METTL13: variants seen among roughly 807,000 people sequenced by gnomAD.
METTL13 encodes the protein methyltransferase 13, eEF1A N-terminus and K55, also known as eEF1A lysine and N-terminal methyltransferase.
In METTL13, 52 loss-of-function variants were observed where a neutral mutation model predicts 67.4. The ratio of observed to expected loss-of-function variants is 0.77; its 90% CI spans 0.62 to 0.97. METTL13 has a LOEUF of 0.97. Ranked by LOEUF, METTL13 falls within the 50% of genes least tolerant of loss-of-function variation. METTL13 has a pLI of 0.00. For synonymous variants in METTL13, 354 were observed against 353.6 expected (o/e 1.00, Z -0.01); for missense variants, 825 against 889.6 (o/e 0.93, Z 0.92).
At chr1:171,784,810 A>G (rs1040047027) in intron 2 of METTL13, among the ~76,000 whole-genome samples, 4 of 152,202 alleles carry the variant, frequency 2.6e-5, no homozygotes, top group Admixed American at 2.0e-4. Context: ...GAGGTCACAT[A>G]TGATATAGAG....
intron 4 of METTL13, among the ~76,000 whole-genome samples, chr1:171,789,849 A>AGGGG (rs369251334): frequency 8.3e-5 from 9 of 108,664 alleles, no homozygotes; most frequent in African/African-American, 1.4e-4. Context: ...GGGGCGGGGT[A>AGGGG]GGGGGGGCAC....
In METTL13 at chr1:171,787,819, A is replaced by G. The variant is rs770547118; in HGVS notation, c.1198A>G (p.Ile400Val). Residue 400 changes from isoleucine to valine, a missense_variant, in exon 4 of 8, where the codon ATT becomes GTT. Coordinates refer to ENST00000361735, the MANE Select transcript of METTL13 (RefSeq NM_015935.5). The part of the protein sequence containing the change: ...DCSPLSGDYV[I>V]EDVQGDDKRY... Reference sequence around the variant, plus strand: ...CAGCCCCTTGAGCGGTGACTATGTCATTGAGGATGTGCAAGGGGATGACAA... The same window carrying G: ...CAGCCCCTTGAGCGGTGACTATGTCGTTGAGGATGTGCAAGGGGATGACAA... The G allele has an allele frequency of 6.2e-7, 1 of 1,613,996 alleles. No homozygotes were observed. Among genetic ancestry groups the G allele is most frequent in the Non-Finnish European group, 8.5e-7 (1 of 1,180,022 alleles).
chr1:171,793,332 A>G (rs918237346), intron 6 of METTL13, among the ~76,000 whole-genome samples: 5 of 152,252 alleles, frequency 3.3e-5, no homozygotes, highest in African/African-American at 9.6e-5. Flanking sequence ...AGTATTTACA[A>G]CAGTGCCATG....
At chr1:171,796,100 C>G (rs751461013) in intron 7 of METTL13, among the ~76,000 whole-genome samples, 1 of 152,124 alleles carries the variant, frequency 6.6e-6, no homozygotes, top group Non-Finnish European at 1.5e-5. Flanking sequence ...CTCCTGACTT[C>G]GAGTGATCCG....
intron 6 of METTL13, 128 bp from the exon 7 acceptor site, chr1:171,794,268 A>T: frequency 2.9e-6 from 4 of 1,383,398 alleles, no homozygotes; most frequent in Non-Finnish European, 4.0e-6. Context: ...GGCAAACCAC[A>T]TCCTCTGTGT....
At chr1:171,783,497 C>T (rs147094476) in intron 1 of METTL13, among the ~76,000 whole-genome samples, 39 of 152,302 alleles carry the variant, frequency 2.6e-4, no homozygotes, top group African/African-American at 8.4e-4. Context: ...TTTGTTTCTG[C>T]AACACAAAGC....
chr1:171,790,765 C>A, intron 5 of METTL13, 149 bp downstream of exon 5: 14 of 827,162 alleles, frequency 1.7e-5, no homozygotes, highest in Admixed American at 3.9e-5. Context: ...AGTTAATGAG[C>A]ATTCTAATTA....
intron 2 of METTL13, among the ~76,000 whole-genome samples, chr1:171,785,460 T>C (rs1329611151): frequency 2.0e-5 from 3 of 152,220 alleles, no homozygotes; most frequent in Non-Finnish European, 4.4e-5. Context: ...TTGTGCGAAG[T>C]TGGGCAAATA....
At chr1:171,796,310 T>G (rs559981246) in intron 7 of METTL13, among the ~76,000 whole-genome samples, 172 bp from the exon 8 acceptor site, 1 of 152,284 alleles carries the variant, frequency 6.6e-6, no homozygotes, top group African/African-American at 2.4e-5. Flanking sequence ...CTCCCCATGC[T>G]TTTCTCCATC....
At chr1:171,795,362 T>C (rs1317885323) in intron 7 of METTL13, among the ~76,000 whole-genome samples, 1 of 152,238 alleles carries the variant, frequency 6.6e-6, no homozygotes, top group African/African-American at 2.4e-5. Context: ...TTTTCAGATC[T>C]CTTGGGTATA....
chr1:171,786,595 C>G (rs1301416181), intron 3 of METTL13, among the ~76,000 whole-genome samples: 1 of 152,200 alleles, frequency 6.6e-6, no homozygotes, highest in Non-Finnish European at 1.5e-5. Context: ...TTGTGCTATC[C>G]TGGTCACCAT....
chr1:171,783,590 C>A, intron 1 of METTL13, 150 bp from the exon 2 acceptor site: 1 of 851,718 alleles, frequency 1.2e-6, no homozygotes, highest in Non-Finnish European at 1.8e-6. Flanking sequence ...AGTCTAGCAT[C>A]AACTCTACAA....
Position 171,792,239 on chromosome 1 carries a change from C to A in METTL13, c.1693+4C>A. 1 of 1,614,100 alleles carries A rather than the reference C, an allele frequency of 6.2e-7. No homozygotes were observed. Among genetic ancestry groups the A allele is most frequent in the Non-Finnish European group, 8.5e-7 (1 of 1,180,010 alleles). On this transcript the variant is annotated splice_donor_region_variant and intron_variant, in intron 6 of 7. Coordinates refer to ENST00000361735, the MANE Select transcript of METTL13 (RefSeq NM_015935.5). ...AGCTTGGCAGGAGGAGGAGAAGGTA[C>A]TGCTCTTGGAGCATTTGAAGGGGTG...
chr1:171,791,758 CT>C (rs752466719), intron 5 of METTL13, among the ~76,000 whole-genome samples: 1 of 152,216 alleles, frequency 6.6e-6, no homozygotes, highest in Admixed American at 6.5e-5. Context: ...GCCACTGCCC[CT>C]GGCCACTTTG....
rs565032957 is a variant in METTL13, at chr1:171,794,613, G to A, written c.1825+86G>A. On this transcript the variant is annotated intron_variant, in intron 7 of 7. Transcript: ENST00000361735. ...TTTAATGAAAAATGCACAGAAGTGC[G>A]AGCTCGATCAATTTTTCCAAATTTA... is the stretch of plus-strand genomic sequence containing the variant. 24 of 1,565,608 alleles carry A rather than the reference G, an allele frequency of 1.5e-5. No individual in the cohort carries two copies. The Middle Eastern group carries it at 8.5e-4, about 56-fold the overall frequency.
At chr1:171,786,734 C>T (rs1029293739) in intron 3 of METTL13, among the ~76,000 whole-genome samples, 3 of 152,030 alleles carry the variant, frequency 2.0e-5, no homozygotes, top group Non-Finnish European at 2.9e-5. Flanking sequence ...GATCACGGCT[C>T]ACTGCAGCCT....
intron 1 of METTL13, among the ~76,000 whole-genome samples, chr1:171,782,412 G>T (rs1656856524): frequency 6.6e-6 from 1 of 151,552 alleles, no homozygotes; most frequent in Admixed American, 6.6e-5. Flanking sequence ...TACAAAAAAT[G>T]AAAAAATTAG....
chr1:171,784,194 C>T lies in METTL13; in HGVS notation c.608C>T (p.Pro203Leu). 1.2e-6 allele frequency: 2 copies of T among 1,614,188 alleles called. No homozygotes were observed. The highest frequency in any genetic ancestry group is 1.1e-5 in the South Asian group (1 of 91,088). Residue 203 changes from proline to leucine, a missense_variant, in exon 2 of 8, where the codon CCT (proline) becomes CTT (leucine). Physicochemically the swap from Pro to Leu is moderately conservative, Grantham distance 98. Coordinates refer to ENST00000361735, the MANE Select transcript of METTL13 (RefSeq NM_015935.5). Reference protein sequence around the residue: ...VLEAEPQFSLPVFAFIMTKFR... With the variant: ...VLEAEPQFSLLVFAFIMTKFR... The stretch of plus-strand genomic sequence containing the variant: ...GAAGCAGAGCCTCAGTTCTCCTTGC[C>T]TGTCTTTGCCTTCATCATGACCAAG...
chr1:171,792,429 TA>T (rs1657239865), intron 6 of METTL13, among the ~76,000 whole-genome samples, 194 bp downstream of exon 6: 1 of 152,346 alleles, frequency 6.6e-6, no homozygotes, highest in East Asian at 1.9e-4. Context: ...GGTGTGAATG[TA>T]AAGCAATAAG....
Sources: gnomAD v4.1 joint callset for allele counts (sites outside exome capture counted in the v4.1 genomes callset) on GRCh38, gnomAD v4.1.1 for gene constraint, MANE v1.5 for transcripts, NCBI Gene and HGNC (gene_info 2026-07-23, HGNC 2026-07-21) for gene names.